The following SPAG16 variants were observed in gnomAD, a reference collection of about 807,000 sequenced individuals.
SPAG16 encodes the protein sperm-associated antigen 16 protein.
Under a neutral mutation model 80.4 loss-of-function variants are expected in SPAG16, and 86 were observed. The observed-to-expected ratio is 1.07, with a 90% CI of 0.90 to 1.28. The LOEUF (loss-of-function observed/expected upper bound fraction) is 1.28. SPAG16 is among the 50% of genes most tolerant of loss of function. SPAG16 has a pLI of 0.00. For missense variants in SPAG16, 870 were observed against 765.3 expected, an observed-to-expected ratio of 1.14 and a Z score of -1.61; for synonymous variants, 294 against 265.9, an observed-to-expected ratio of 1.11 and a Z score of -1.03.
chr2:214,225,112 C>T (rs1001673197), intron 15 of SPAG16, among the ~76,000 whole-genome samples: 4 of 152,142 alleles, frequency 2.6e-5, no homozygotes, highest in Non-Finnish European at 5.9e-5. Flanking sequence ...TTAAAAAGTG[C>T]TCCCCGCTGT....
intron 10 of SPAG16, among the ~76,000 whole-genome samples, chr2:213,673,215 G>C (rs2063892259): frequency 6.6e-6 from 1 of 151,944 alleles, no homozygotes; most frequent in South Asian, 2.1e-4. Flanking sequence ...GACACCACAT[G>C]AATTAGCAAT....
At chr2:213,396,111 TATCCTAAGGTA>T (rs1383629722) in intron 9 of SPAG16, among the ~76,000 whole-genome samples, 10 of 152,210 alleles carry the variant, frequency 6.6e-5, no homozygotes, top group African/African-American at 2.4e-4. Flanking sequence ...TATTTGGATA[TATCCTAAGGTA>T]ATTATCTTCA....
Position 213,556,237 on chromosome 2 carries a change from T to C in SPAG16, c.1070+66147T>C, listed in dbSNP as rs546378791. Among the ~76,000 whole-genome samples the C allele has an allele frequency of 2.1e-5, 3 of 145,402 alleles. No individual in the cohort carries two copies. In the South Asian group the frequency reaches 6.4e-4, roughly 31 times the overall value. ...GTAGTAAGTCCTTACATATTAATAA[T>C]GATCCTCAATATAAATGATTACATC... On this transcript the variant is annotated intron_variant, in intron 10 of 15. Coordinates refer to ENST00000331683, the MANE Select transcript of SPAG16 (RefSeq NM_024532.5).
chr2:213,845,352 C>T (rs1242374745), intron 10 of SPAG16, among the ~76,000 whole-genome samples: 1 of 151,906 alleles, frequency 6.6e-6, no homozygotes, highest in Admixed American at 6.6e-5. Context: ...CATCCGCTAC[C>T]ACGCCCAGCT....
At chr2:213,458,012 A>G (rs942507843) in intron 9 of SPAG16, among the ~76,000 whole-genome samples, 2 of 152,012 alleles carry the variant, frequency 1.3e-5, no homozygotes, top group African/African-American at 4.8e-5. Flanking sequence ...TTTACTCATC[A>G]CATTCTAATA....
chr2:213,464,961 C>T (rs1284231123), intron 9 of SPAG16, among the ~76,000 whole-genome samples: 1 of 152,260 alleles, frequency 6.6e-6, no homozygotes, highest in Non-Finnish European at 1.5e-5. Context: ...ATGGAGCCCT[C>T]CCAGATTAGA....
chr2:214,374,490 C>A lies in SPAG16; in HGVS notation c.1721-35650C>A, dbSNP rs145685075. Among the ~76,000 whole-genome samples the A allele has an allele frequency of 3.8e-3, 572 of 152,318 alleles. 1 individual carries two copies. Among genetic ancestry groups the A allele is most frequent in the African/African-American group, 0.013 (534 of 41,586 alleles). ...CCTGTTCACATTCATCCTTTACCAG[C>A]TGATACCTCTAGCTCTTGTTGCCTT... is the stretch of plus-strand genomic sequence containing the variant. On this transcript the variant is annotated intron_variant, in intron 15 of 15. Coordinates refer to ENST00000331683, the MANE Select transcript of SPAG16 (RefSeq NM_024532.5).
chr2:213,329,326 C>G (rs1205125241), intron 5 of SPAG16, among the ~76,000 whole-genome samples: 2 of 152,126 alleles, frequency 1.3e-5, no homozygotes, highest in Admixed American at 6.5e-5. Context: ...TGTTGAATGG[C>G]GTTGCCCAAA....
chr2:213,313,474 G>A (rs1204771513), intron 4 of SPAG16, among the ~76,000 whole-genome samples: 2 of 151,518 alleles, frequency 1.3e-5, no homozygotes, highest in Non-Finnish European at 1.5e-5. Context: ...TCTATTTTAC[G>A]GGTAAGGAAA....
chr2:213,960,526 G>A (rs574498481), intron 12 of SPAG16, among the ~76,000 whole-genome samples: 3 of 152,044 alleles, frequency 2.0e-5, no homozygotes, highest in African/African-American at 7.2e-5. Context: ...TTCTTCCCCA[G>A]GGTTTGCTGT....
At chr2:214,272,754 G>A (rs1692129994) in intron 15 of SPAG16, among the ~76,000 whole-genome samples, 1 of 152,146 alleles carries the variant, frequency 6.6e-6, no homozygotes, top group Non-Finnish European at 1.5e-5. Flanking sequence ...ATAAACATAC[G>A]TGTGCATGTG....
chr2:214,335,663 T>C (rs937407714), intron 15 of SPAG16, among the ~76,000 whole-genome samples: 6 of 152,042 alleles, frequency 3.9e-5, no homozygotes, highest in African/African-American at 1.4e-4. Context: ...TATGTAGCTC[T>C]ACCATCCCGT....
intron 1 of SPAG16, among the ~76,000 whole-genome samples, chr2:213,289,393 TG>T (rs1309592120): frequency 2.0e-5 from 3 of 152,226 alleles, no homozygotes; most frequent in Non-Finnish European, 1.5e-5. Context: ...GCAACAGCTA[TG>T]TAGGACAGGG....
intron 15 of SPAG16, among the ~76,000 whole-genome samples, chr2:214,271,842 A>C (rs534657545): frequency 0.014 from 1,924 of 135,612 alleles, 48 homozygotes; most frequent in African/African-American, 0.049. Context: ...ACTGTGGGAA[A>C]CCCCCCCCCC....
rs1276089334 is a variant in SPAG16, at chr2:213,642,681, C to A, written c.1070+152591C>A. The stretch of plus-strand genomic sequence containing the variant: ...CTAAAAATACAAAAAATTAGCCGGG[C>A]GTAGTGGCGGGCGCCTGTAGTCCCA... On this transcript the variant is annotated intron_variant, in intron 10 of 15. Transcript: ENST00000331683. Among the ~76,000 whole-genome samples the A allele has an allele frequency of 3.3e-5, 2 of 61,410 alleles. 1 individual carries two copies. The highest frequency in any genetic ancestry group is 6.5e-5 in the Non-Finnish European group (2 of 30,622). The allele number at this position is 61,410 out of a possible 152,430, so 40.3% of individuals were successfully genotyped here. A position where few individuals can be genotyped will look rare whatever the true frequency, so the allele number is the denominator to read the frequency against.
chr2:213,968,291 C>T (rs1242733733), intron 12 of SPAG16, among the ~76,000 whole-genome samples: 1 of 152,104 alleles, frequency 6.6e-6, no homozygotes, highest in Non-Finnish European at 1.5e-5. Flanking sequence ...TCTCCTGCCT[C>T]AGCCTCCCAA....
chr2:213,882,902 G>T (rs1177599358), intron 11 of SPAG16, among the ~76,000 whole-genome samples: 1 of 151,616 alleles, frequency 6.6e-6, no homozygotes, highest in Non-Finnish European at 1.5e-5. Flanking sequence ...ACGGAGTCTC[G>T]CTCCTCTTCT....
intron 10 of SPAG16, among the ~76,000 whole-genome samples, chr2:213,818,493 T>G (rs2072715481): frequency 6.6e-6 from 1 of 152,156 alleles, no homozygotes; most frequent in Non-Finnish European, 1.5e-5. Flanking sequence ...CTGCCTTGGG[T>G]CTCATATTTG....
chr2:214,223,820 C>T (rs1183237968), intron 15 of SPAG16, among the ~76,000 whole-genome samples: 2 of 152,022 alleles, frequency 1.3e-5, no homozygotes, highest in African/African-American at 4.8e-5. Context: ...GCAGAAAACT[C>T]GCAATGTAGT....
Sources: allele counts gnomAD v4.1 joint callset (sites outside exome capture counted in the v4.1 genomes callset), GRCh38; gene constraint gnomAD v4.1.1; transcripts MANE v1.5; gene names NCBI Gene and HGNC (gene_info 2026-07-23, HGNC 2026-07-21).